ARNT2: variants seen among roughly 807,000 people sequenced by gnomAD.
ARNT2 encodes aryl hydrocarbon receptor nuclear translocator 2, also known as ARNT protein 2.
In ARNT2, 36 loss-of-function variants were observed where a neutral mutation model predicts 91.7. That is an observed-to-expected ratio of 0.39 (90% confidence interval 0.30 to 0.52). ARNT2 has a LOEUF of 0.52. Ranked by LOEUF, ARNT2 falls within the 20% of genes least tolerant of loss-of-function variation. ARNT2 has a pLI of 0.72. For missense variants in ARNT2, 775 were observed against 939.3 expected, an observed-to-expected ratio of 0.83 and a Z score of 2.29; for synonymous variants, 365 against 347.1, an observed-to-expected ratio of 1.05 and a Z score of -0.57.
chr15:80,460,857 C>G (rs1896542099), intron 3 of ARNT2, among the ~76,000 whole-genome samples: 1 of 152,128 alleles, frequency 6.6e-6, no homozygotes, highest in Non-Finnish European at 1.5e-5. Context: ...TTGGAAGACT[C>G]AGGAGTGACG....
intron 3 of ARNT2, among the ~76,000 whole-genome samples, chr15:80,463,575 CT>C (rs11358638): frequency 0.42 from 45,923 of 110,140 alleles, 9,046 homozygotes; most frequent in East Asian, 0.6. Flanking sequence ...GGGTGATTTC[CT>C]TTTTTTTTTT....
intron 12 of ARNT2, among the ~76,000 whole-genome samples, chr15:80,564,852 G>A (rs572037755): frequency 1.3e-5 from 2 of 152,038 alleles, no homozygotes; most frequent in African/African-American, 4.8e-5. Flanking sequence ...TTGCTGCAAA[G>A]GACGTGGTTT....
chr15:80,505,927 G>GTTTTTTTTTTTTTTTT lies in ARNT2; in HGVS notation c.623-2224_623-2209dup, dbSNP rs1161520898. 5.3e-4 allele frequency among the ~76,000 whole-genome samples: 47 copies of GTTTTTTTTTTTTTTTT among 88,930 alleles called. 6 individuals carry two copies. The highest frequency in any genetic ancestry group is 7.8e-4 in the Admixed American group (6 of 7,654). 58.3% of individuals were successfully genotyped at this position (88,930 alleles called of 152,430 possible). ...GAAAAAATGATTCCCAACATTTGTT[G>GTTTTTTTTTTTTTTTT]TTTTTTTTTTTTTTTTTTTTGAGAC... On this transcript the variant is annotated intron_variant, in intron 5 of 18. Coordinates refer to ENST00000303329, the MANE Select transcript of ARNT2 (RefSeq NM_014862.4).
intron 5 of ARNT2, among the ~76,000 whole-genome samples, chr15:80,481,499 C>T (rs1896888501): frequency 6.6e-6 from 1 of 152,122 alleles, no homozygotes. Flanking sequence ...TGCTTGTGTC[C>T]AGGATTTTGA....
chr15:80,442,384 A>G (rs1027287123), intron 1 of ARNT2, among the ~76,000 whole-genome samples: 1 of 152,200 alleles, frequency 6.6e-6, no homozygotes, highest in East Asian at 1.9e-4. Context: ...CACAGCATGC[A>G]TTTCTCAGTG....
chr15:80,482,437 G>A (rs1235898579), intron 5 of ARNT2, among the ~76,000 whole-genome samples: 6 of 152,190 alleles, frequency 3.9e-5, no homozygotes, highest in South Asian at 2.1e-4. Context: ...GGGGATTATC[G>A]GCCCCATTTC....
At chr15:80,583,436 G>A (rs531948892) in intron 17 of ARNT2, among the ~76,000 whole-genome samples, 12 of 152,362 alleles carry the variant, frequency 7.9e-5, no homozygotes, top group African/African-American at 2.4e-4. Flanking sequence ...CAGGAAGGAC[G>A]AAGCCCTGGG....
At chr15:80,511,768 C>T (rs1167664880) in intron 6 of ARNT2, among the ~76,000 whole-genome samples, 1 of 151,698 alleles carries the variant, frequency 6.6e-6, no homozygotes, top group African/African-American at 2.4e-5. Flanking sequence ...TGGGGAAGAA[C>T]CAGCAAAGGA....
intron 11 of ARNT2, 146 bp from the exon 12 acceptor site, chr15:80,562,942 C>A: frequency 1.2e-6 from 1 of 863,762 alleles, no homozygotes; most frequent in Non-Finnish European, 1.9e-6. Context: ...AAACTGCTCT[C>A]CCTCTCTTAC....
intron 3 of ARNT2, among the ~76,000 whole-genome samples, chr15:80,467,055 G>A (rs747537184): frequency 4.6e-5 from 7 of 152,342 alleles, no homozygotes; most frequent in Non-Finnish European, 7.3e-5. Context: ...GCAAGTGTGC[G>A]TCAGCCCTGC....
At chr15:80,440,685 G>A (rs1595963067) in intron 1 of ARNT2, among the ~76,000 whole-genome samples, 1 of 152,154 alleles carries the variant, frequency 6.6e-6, no homozygotes, top group East Asian at 1.9e-4. Context: ...CTACTAGAAG[G>A]GGCTCAGGCA....
At chr15:80,519,890 G>A (rs140680365) in intron 8 of ARNT2, among the ~76,000 whole-genome samples, 4,729 of 145,336 alleles carry the variant, frequency 0.033, 146 homozygotes, top group African/African-American at 0.083. Flanking sequence ...ACTAGAGATG[G>A]GGTTTCACCA....
chr15:80,522,798 ATGTGTG>A (rs367547537), intron 8 of ARNT2, among the ~76,000 whole-genome samples: 10 of 142,506 alleles, frequency 7.0e-5, no homozygotes, highest in African/African-American at 1.6e-4. Flanking sequence ...ATATTTACAT[ATGTGTG>A]TGTGTGTGTG....
chr15:80,408,494 G>T (rs773506917), intron 1 of ARNT2, among the ~76,000 whole-genome samples: 3 of 152,216 alleles, frequency 2.0e-5, no homozygotes, highest in Non-Finnish European at 4.4e-5. Context: ...TGGCTGGCGT[G>T]TGAGGCAGAC....
intron 11 of ARNT2, chr15:80,562,884 TGCA>T (rs1898392599): frequency 3.0e-6 from 2 of 664,468 alleles, no homozygotes; most frequent in Non-Finnish European, 5.4e-6. Flanking sequence ...ATGACCCAGA[TGCA>T]GCACCCCATT....
Position 80,461,948 on chromosome 15 carries a change from G to A in ARNT2, c.194+3972G>A, listed in dbSNP as rs1896561811. On this transcript the variant is annotated intron_variant, in intron 3 of 18. Coordinates refer to ENST00000303329, the MANE Select transcript of ARNT2 (RefSeq NM_014862.4). ...AACCCTGTGTCTTTGGAAAAATGCC[G>A]ATTACACTCCAGCAAGTGTTTCTCC... Among the ~76,000 whole-genome samples, 3 of 152,252 alleles carry A rather than the reference G, an allele frequency of 2.0e-5. No homozygotes were observed. In the South Asian group the frequency reaches 6.2e-4, roughly 32 times the overall value.
At chr15:80,510,613 G>A (rs376840289) in intron 6 of ARNT2, among the ~76,000 whole-genome samples, 1,301 of 62,578 alleles carry the variant, frequency 0.021, 14 homozygotes, top group African/African-American at 0.067. Flanking sequence ...GGCAGATCAC[G>A]AGGTCAAGAG....
chr15:80,549,272 A>G (rs980350464), intron 8 of ARNT2, among the ~76,000 whole-genome samples: 8 of 152,220 alleles, frequency 5.3e-5, no homozygotes, highest in East Asian at 1.9e-4. Flanking sequence ...CCATAAAAGT[A>G]TCAGAGGAAA....
intron 5 of ARNT2, chr15:80,487,930 G>A (rs1227462375): frequency 6.6e-6 from 1 of 152,176 alleles, no homozygotes; most frequent in Non-Finnish European, 1.5e-5. Flanking sequence ...CCCAGCACAG[G>A]GCTTACAGGG....
Sources: gnomAD v4.1 joint callset for allele counts (sites outside exome capture counted in the v4.1 genomes callset) on GRCh38, gnomAD v4.1.1 for gene constraint, MANE v1.5 for transcripts, NCBI Gene and HGNC (gene_info 2026-07-23, HGNC 2026-07-21) for gene names.